Variants in ZDHHC11 observed in about 807,000 individuals in gnomAD.
ZDHHC11 encodes zDHHC palmitoyltransferase 11, also known as palmitoyltransferase ZDHHC11.
In ZDHHC11, 44 loss-of-function variants were observed where a neutral mutation model predicts 51.3. That is an observed-to-expected ratio of 0.86 (90% CI 0.67 to 1.10). The LOEUF (loss-of-function observed/expected upper bound fraction) is 1.10, where lower values mean the gene tolerates loss of function less well. ZDHHC11 is among the 50% of genes least tolerant of loss of function. The pLI is 0.00. For missense variants in ZDHHC11, 400 were observed against 537.7 expected (o/e 0.74, Z 2.53); for synonymous variants, 163 against 222.0 (o/e 0.73, Z 2.36).
At chr5:804,861 A>G (rs1334169097) in intron 11 of ZDHHC11, among the ~76,000 whole-genome samples, 1 of 151,344 alleles carries the variant, frequency 6.6e-6, no homozygotes, top group Non-Finnish European at 1.5e-5. Flanking sequence ...TATTAAATAA[A>G]TTATTTAGTC....
intron 8 of ZDHHC11, among the ~76,000 whole-genome samples, 194 bp downstream of exon 8, chr5:824,970 C>T (rs989364952): frequency 1.3e-5 from 2 of 151,516 alleles, no homozygotes; most frequent in African/African-American, 4.8e-5. Flanking sequence ...TCACCCACAG[C>T]TGGGAAGCAT....
chr5:807,960 G>C (rs1739507895), intron 11 of ZDHHC11, among the ~76,000 whole-genome samples: 1 of 151,108 alleles, frequency 6.6e-6, no homozygotes, highest in Non-Finnish European at 1.5e-5. Context: ...CCTGGACTGA[G>C]CCTGCAGCTA....
At chr5:854,263 C>CA (rs1747786305), upstream of ZDHHC11, among the ~76,000 whole-genome samples, 1 of 150,146 alleles carries the variant, frequency 6.7e-6, no homozygotes, top group Non-Finnish European at 1.5e-5. Context: ...GGATAGACCC[C>CA]ACCAAGGACA....
At chr5:837,009 A>G (rs422396) in intron 6 of ZDHHC11, among the ~76,000 whole-genome samples, 7 of 151,500 alleles carry the variant, frequency 4.6e-5, no homozygotes, top group East Asian at 3.9e-4. Flanking sequence ...ATGAGCTGAG[A>G]TTTCACCACT....
intron 4 of ZDHHC11, chr5:841,454 C>A (rs1355440869): frequency 1.0e-6 from 1 of 986,022 alleles, no homozygotes; most frequent in East Asian, 1.1e-4. Context: ...GCCGGGGTCA[C>A]AGTGCCCACC....
chr5:836,963 A>AG (rs2150377416), intron 6 of ZDHHC11, among the ~76,000 whole-genome samples: 1 of 151,364 alleles, frequency 6.6e-6, no homozygotes, highest in South Asian at 2.1e-4. Context: ...AGGCTGAGGT[A>AG]GGCAAACTGT....
intron 4 of ZDHHC11, chr5:841,055 C>T (rs1297717144): frequency 5.0e-6 from 5 of 1,008,944 alleles, no homozygotes; most frequent in South Asian, 2.7e-5. Context: ...AGTGCCCACC[C>T]CTTCCTCACT....
At chr5:810,290 A>G (rs577170019) in intron 11 of ZDHHC11, among the ~76,000 whole-genome samples, 2 of 144,492 alleles carry the variant, frequency 1.4e-5, no homozygotes, top group African/African-American at 5.1e-5. Context: ...CCACTGAATG[A>G]GGCGCTGGGG....
intron 11 of ZDHHC11, among the ~76,000 whole-genome samples, chr5:802,036 G>A (rs774064628): frequency 2.0e-5 from 3 of 151,434 alleles, no homozygotes; most frequent in Non-Finnish European, 3.0e-5. Context: ...GGGAGCTGAT[G>A]CAGAAGGCCA....
In ZDHHC11 at chr5:827,642, T is replaced by G. The variant is rs557678576; in HGVS notation, c.936-2391A>C. 2.5e-4 allele frequency among the ~76,000 whole-genome samples: 38 copies of G among 151,354 alleles called. 1 individual carries two copies. The South Asian group carries it at 7.9e-3, about 31-fold the overall frequency. ...CAGTTAAGAAAGACAAAGAGCAACA[T>G]TATACGATGATAAAAGAATCACTCC... On this transcript the variant is annotated intron_variant, in intron 7 of 12. Transcript: ENST00000283441.
At chr5:808,740 C>A (rs1287684776) in intron 11 of ZDHHC11, among the ~76,000 whole-genome samples, 1 of 146,468 alleles carries the variant, frequency 6.8e-6, no homozygotes, top group East Asian at 2.0e-4. Context: ...CTCTGTCGCC[C>A]AGGCTGGAGT....
At chr5:816,840 G>C (rs1331194571) in intron 10 of ZDHHC11, 2 of 475,956 alleles carry the variant, frequency 4.2e-6, no homozygotes, top group Non-Finnish European at 8.3e-6. Flanking sequence ...ACACCCTGAA[G>C]CTGACCTTCA....
At chr5:844,863 C>T (rs1745869231) in intron 3 of ZDHHC11, among the ~76,000 whole-genome samples, 1 of 152,308 alleles carries the variant, frequency 6.6e-6, no homozygotes, top group South Asian at 2.1e-4. Flanking sequence ...AATAATCCAT[C>T]CACAAAAACC....
intron 3 of ZDHHC11, among the ~76,000 whole-genome samples, chr5:847,163 G>A (rs1373638983): frequency 6.6e-6 from 1 of 151,742 alleles, no homozygotes; most frequent in Admixed American, 6.6e-5. Flanking sequence ...CTGCCCTTCC[G>A]TGGCCCCACC....
intron 1 of ZDHHC11, among the ~76,000 whole-genome samples, chr5:849,001 C>T (rs1357811784): frequency 3.3e-5 from 5 of 151,822 alleles, no homozygotes; most frequent in Admixed American, 1.3e-4. Flanking sequence ...CTCACATGGC[C>T]CTGCTCATCC....
intron 1 of ZDHHC11, among the ~76,000 whole-genome samples, chr5:858,076 G>A (rs1748516737): frequency 7.1e-6 from 1 of 141,752 alleles, no homozygotes; most frequent in Admixed American, 7.0e-5. Flanking sequence ...TCCCTGTCAT[G>A]TCTTTATGAC....
chr5:853,612 GACAGACCCC>G (rs1282579558), upstream of ZDHHC11, among the ~76,000 whole-genome samples: 4 of 137,332 alleles, frequency 2.9e-5, no homozygotes, highest in Non-Finnish European at 6.2e-5. Flanking sequence ...AAGCCACGGG[GACAGACCCC>G]ACAGAGGACA....
intron 11 of ZDHHC11, among the ~76,000 whole-genome samples, chr5:812,533 T>A (rs1353475156): frequency 1.3e-5 from 2 of 151,458 alleles, no homozygotes; most frequent in South Asian, 4.2e-4. Context: ...AAAAGTGTTA[T>A]TTGGATAAAA....
intron 3 of ZDHHC11, among the ~76,000 whole-genome samples, chr5:847,162 C>T (rs1175575395): frequency 3.3e-4 from 50 of 151,924 alleles, no homozygotes; most frequent in African/African-American, 6.8e-4. Flanking sequence ...ACTGCCCTTC[C>T]GTGGCCCCAC....
Sources: allele counts gnomAD v4.1 joint callset (sites outside exome capture counted in the v4.1 genomes callset), GRCh38; gene constraint gnomAD v4.1.1; transcripts MANE v1.5; gene names NCBI Gene and HGNC (gene_info 2026-07-23, HGNC 2026-07-21).